PDE1C: variants seen among roughly 807,000 people sequenced by gnomAD.
PDE1C encodes the protein phosphodiesterase 1C.
PDE1C carries 62 observed loss-of-function variants against 93.1 expected under a neutral mutation model. The ratio of observed to expected loss-of-function variants is 0.67; its 90% confidence interval spans 0.54 to 0.82. PDE1C has a LOEUF of 0.82. Ranked by LOEUF, PDE1C falls within the 40% of genes least tolerant of loss-of-function variation. PDE1C has a pLI of 0.00. For missense variants in PDE1C, 742 were observed against 884.6 expected, an observed-to-expected ratio of 0.84 and a Z score of 2.04; for synonymous variants, 325 against 310.1, an observed-to-expected ratio of 1.05 and a Z score of -0.50.
rs567920957 is a variant in PDE1C at position 32,343,371 on chromosome 7, C to G, written c.310+84451G>C. Among the ~76,000 whole-genome samples the G allele has an allele frequency of 6.8e-4, 104 of 152,298 alleles. 2 individuals are homozygous for G. The highest frequency in any genetic ancestry group is 6.8e-3 in the Middle Eastern group (2 of 294). ...TTCCATAACTTCTCTAAGAGTCACA[C>G]TGCCACCTGATTCGTAGAACCTCTT... On this transcript the variant is annotated intron_variant, in intron 1 of 1. Coordinates refer to the PDE1C transcript ENST00000672256.
At chr7:32,100,161 T>A (rs1797974388) in intron 3 of PDE1C, among the ~76,000 whole-genome samples, 1 of 152,204 alleles carries the variant, frequency 6.6e-6, no homozygotes, top group Non-Finnish European at 1.5e-5. Context: ...CAGTTTTTAT[T>A]GACAGTATAG....
intron 1 of PDE1C, among the ~76,000 whole-genome samples, chr7:32,402,523 G>A (rs569629608): frequency 6.6e-6 from 1 of 152,196 alleles, no homozygotes; most frequent in East Asian, 1.9e-4. Context: ...GTTCTATCCA[G>A]ACCCTCAACA....
intron 14 of PDE1C, among the ~76,000 whole-genome samples, chr7:31,819,298 A>G (rs949638668): frequency 5.9e-5 from 9 of 152,164 alleles, no homozygotes; most frequent in African/African-American, 1.9e-4. Flanking sequence ...AAGAAAAAAG[A>G]AAATATATTG....
At chr7:32,035,933 T>C (rs751680702) in intron 2 of PDE1C, among the ~76,000 whole-genome samples, 4 of 151,980 alleles carry the variant, frequency 2.6e-5, no homozygotes, top group Non-Finnish European at 5.9e-5. Context: ...GGGAGAGAAA[T>C]TTCATCTTGA....
At chr7:32,069,748 C>T (rs1418846784) in intron 1 of PDE1C, among the ~76,000 whole-genome samples, 1 of 152,106 alleles carries the variant, frequency 6.6e-6, no homozygotes, top group Non-Finnish European at 1.5e-5. Flanking sequence ...CCCCTTTCTC[C>T]ACAAGAGCCT....
At chr7:31,803,904 T>C (rs1786432708) in intron 16 of PDE1C, among the ~76,000 whole-genome samples, 1 of 152,036 alleles carries the variant, frequency 6.6e-6, no homozygotes, top group African/African-American at 2.4e-5. Context: ...ATCCTTTGGG[T>C]ATATACCCAG....
chr7:32,355,295 T>C (rs1784009691), intron 1 of PDE1C, among the ~76,000 whole-genome samples: 1 of 152,182 alleles, frequency 6.6e-6, no homozygotes, highest in Non-Finnish European at 1.5e-5. Context: ...ACCATCTCAG[T>C]CCAGAAGCAG....
chr7:31,664,562 C>G, the PDE1C span, among the ~76,000 whole-genome samples: 1 of 152,194 alleles, frequency 6.6e-6, no homozygotes, highest in Non-Finnish European at 1.5e-5. Flanking sequence ...CAACCAGATG[C>G]AACTGTTTAT....
chr7:32,134,335 C>T (rs1800085846), intron 3 of PDE1C, among the ~76,000 whole-genome samples: 1 of 152,128 alleles, frequency 6.6e-6, no homozygotes, highest in African/African-American at 2.4e-5. Context: ...GAAAGCCACA[C>T]ATATCTTCAT....
chr7:31,675,524 G>A, the PDE1C span, among the ~76,000 whole-genome samples: 1 of 152,158 alleles, frequency 6.6e-6, no homozygotes, highest in East Asian at 1.9e-4. Flanking sequence ...CCAACATCCT[G>A]TATTAAATTT....
intron 6 of PDE1C, among the ~76,000 whole-genome samples, chr7:31,872,966 G>T (rs866392252): frequency 6.6e-6 from 1 of 152,284 alleles, no homozygotes; most frequent in Middle Eastern, 3.4e-3. Flanking sequence ...TGGTCAATAG[G>T]ACACAAAGTC....
intron 3 of PDE1C, among the ~76,000 whole-genome samples, chr7:32,108,154 T>A (rs2128753650): frequency 7.1e-6 from 1 of 141,262 alleles, no homozygotes; most frequent in Non-Finnish European, 1.5e-5. Context: ...ACTATCTCAG[T>A]AATCACCTTA....
At chr7:31,930,309 C>T (rs1315665599) in intron 2 of PDE1C, among the ~76,000 whole-genome samples, 1 of 152,166 alleles carries the variant, frequency 6.6e-6, no homozygotes, top group Non-Finnish European at 1.5e-5. Context: ...GATGAATTCA[C>T]AGCCAAATTC....
At chr7:32,085,506 G>A (rs974208146) in intron 3 of PDE1C, among the ~76,000 whole-genome samples, 1 of 149,456 alleles carries the variant, frequency 6.7e-6, no homozygotes, top group African/African-American at 2.5e-5. Flanking sequence ...CATTTTCTGA[G>A]GCCAGCATCA....
chr7:32,283,684 A>G (rs979532288), intron 1 of PDE1C, among the ~76,000 whole-genome samples: 2 of 152,204 alleles, frequency 1.3e-5, no homozygotes, highest in African/African-American at 4.8e-5. Flanking sequence ...TATGACAACA[A>G]GAGGAGGATG....
chr7:31,971,706 A>C (rs1163844149), intron 2 of PDE1C, among the ~76,000 whole-genome samples: 1 of 152,200 alleles, frequency 6.6e-6, no homozygotes, highest in Non-Finnish European at 1.5e-5. Context: ...ATTGGGAAGC[A>C]CTAACAACAA....
chr7:31,960,570 GA>G (rs1322349246), intron 2 of PDE1C, among the ~76,000 whole-genome samples: 1 of 152,118 alleles, frequency 6.6e-6, no homozygotes, highest in Non-Finnish European at 1.5e-5. Flanking sequence ...ATTATGTTAA[GA>G]AATGCATATT....
chr7:32,395,582 G>C (rs182457182), intron 1 of PDE1C, among the ~76,000 whole-genome samples: 2 of 152,244 alleles, frequency 1.3e-5, no homozygotes, highest in African/African-American at 4.8e-5. Flanking sequence ...AGCAAGCTGG[G>C]AAGTGAACTT....
chr7:32,330,256 G>C (rs1585111983), intron 1 of PDE1C, among the ~76,000 whole-genome samples: 2 of 152,242 alleles, frequency 1.3e-5, no homozygotes, highest in East Asian at 3.9e-4. Flanking sequence ...AACTGTTCAA[G>C]GTCTCAGTAA....
Sources: allele counts gnomAD v4.1 joint callset (sites outside exome capture counted in the v4.1 genomes callset), GRCh38; gene constraint gnomAD v4.1.1; transcripts MANE v1.5; gene names NCBI Gene and HGNC (gene_info 2026-07-23, HGNC 2026-07-21).